Variants in SCML2 observed in about 807,000 individuals in gnomAD.
The protein encoded by SCML2 is Scm polycomb group protein like 2, also known as sex comb on midleg-like protein 2.
SCML2 carries 6 observed loss-of-function variants against 48.4 expected under a neutral mutation model. The ratio of observed to expected loss-of-function variants is 0.12; its 90% confidence interval spans 0.07 to 0.24. The LOEUF is 0.24. Ranked by LOEUF, SCML2 falls within the 10% of genes least tolerant of loss-of-function variation. The probability of loss-of-function intolerance (pLI) is 1.00; values close to 1 mark genes in which losing one functional copy is unlikely to be tolerated. For synonymous variants in SCML2, 181 were observed against 189.5 expected, an observed-to-expected ratio of 0.95 and a Z score of 0.37; for missense variants, 377 against 528.2, an observed-to-expected ratio of 0.71 and a Z score of 2.81.
intron 7 of SCML2, among the ~76,000 whole-genome samples, chrX:18,271,478 T>C (rs1927457109): frequency 9.1e-6 from 1 of 109,905 alleles, no homozygotes; most frequent in African/African-American, 3.3e-5. Flanking sequence ...GTGGACAACC[T>C]TGTGAACTCC....
chrX:18,304,994 T>C lies in SCML2; in HGVS notation c.708A>G (p.Val236=), dbSNP rs144766891. The change falls in exon 7 of 15, where the codon GTA becomes GTG. Residue 236 remains valine (V), a synonymous_variant. Coordinates refer to ENST00000251900, the MANE Select transcript of SCML2 (RefSeq NM_006089.3). ...TACCACTAGTTCCTGGGGGTTGTAA[T>C]ACATCTCCTGTCAGGCGACACCACC... ...PAGWCRLTGD[V]LQPPGTSVPI... is the part of the protein sequence containing the mutation. 136 of 1,208,304 alleles carry C rather than the reference T, an allele frequency of 1.1e-4. No individual in the cohort carries two copies. In the African/African-American group the frequency reaches 2.2e-3, roughly 19 times the overall value.
At chrX:18,300,203 C>T (rs1038432569) in intron 7 of SCML2, among the ~76,000 whole-genome samples, 2 of 109,385 alleles carry the variant, frequency 1.8e-5, no homozygotes, top group African/African-American at 6.7e-5. Context: ...AGGTCGAGAC[C>T]AGCCTGGGTA....
chrX:18,333,443 T>C (rs1373600567), intron 2 of SCML2, among the ~76,000 whole-genome samples: 1 of 112,046 alleles, frequency 8.9e-6, no homozygotes, highest in Non-Finnish European at 1.9e-5. Context: ...AATTTGTATT[T>C]ACTAAATAGT....
chrX:18,243,543 T>C (rs1325424788), intron 13 of SCML2, among the ~76,000 whole-genome samples: 1 of 112,258 alleles, frequency 8.9e-6, no homozygotes, highest in Non-Finnish European at 1.9e-5. Context: ...ATGGCTTAAA[T>C]GCTTATCTGA....
intron 7 of SCML2, among the ~76,000 whole-genome samples, chrX:18,268,061 C>T (rs1410663903): frequency 8.9e-6 from 1 of 112,409 alleles, no homozygotes; most frequent in Non-Finnish European, 1.9e-5. Flanking sequence ...TCCATGCTAA[C>T]CTCAACTGAG....
chrX:18,279,947 G>A (rs181035293), intron 7 of SCML2, among the ~76,000 whole-genome samples: 4 of 111,875 alleles, frequency 3.6e-5, no homozygotes, highest in East Asian at 2.8e-4. Context: ...TATATTTGAC[G>A]ATACAGTCCA....
chrX:18,253,088 G>A (rs994549218), intron 11 of SCML2, among the ~76,000 whole-genome samples: 1 of 111,922 alleles, frequency 8.9e-6, no homozygotes, highest in Non-Finnish European at 1.9e-5. Context: ...GAGCTGAGCA[G>A]CAAACCCCTG....
intron 1 of SCML2, among the ~76,000 whole-genome samples, chrX:18,351,282 AC>A (rs1395525507): frequency 5.2e-4 from 57 of 110,439 alleles, no homozygotes; most frequent in Non-Finnish European, 7.6e-4. Flanking sequence ...AAAAAAAAAA[AC>A]ATCACCAACA....
chrX:18,247,591 C>T (rs1226531284), intron 12 of SCML2, among the ~76,000 whole-genome samples, 178 bp downstream of exon 12: 2 of 111,219 alleles, frequency 1.8e-5, no homozygotes, highest in African/African-American at 6.5e-5. Flanking sequence ...GAAATGACAG[C>T]CGTCCACTTC....
intron 1 of SCML2, among the ~76,000 whole-genome samples, chrX:18,344,492 C>T (rs1185540939): frequency 8.9e-6 from 1 of 111,999 alleles, no homozygotes; most frequent in African/African-American, 3.2e-5. Context: ...ACCCAAATCT[C>T]ATCTTCAATT....
In SCML2 at chrX:18,310,411, G is replaced by A. The variant is rs368466157; in HGVS notation, c.487-5196C>T. The stretch of plus-strand genomic sequence containing the variant: ...CTCCCGAGTAGCTGGGATTACAGGC[G>A]CGTGCCACCACACGTGGCTAATTTT... On this transcript the variant is annotated intron_variant, in intron 6 of 14. Transcript: ENST00000251900. Among the ~76,000 whole-genome samples, 19 of 105,964 alleles carry A rather than the reference G, an allele frequency of 1.8e-4. No homozygotes were observed. The South Asian group carries it at 2.1e-3, about 12-fold the overall frequency. The allele number at this position is 105,964 out of a possible 115,157, so 92.0% of individuals were successfully genotyped here.
chrX:18,270,850 C>T (rs991569922), intron 7 of SCML2, among the ~76,000 whole-genome samples: 14 of 110,678 alleles, frequency 1.3e-4, no homozygotes, highest in African/African-American at 4.6e-4. Flanking sequence ...ATAGTGGTCA[C>T]AAAGTGAATA....
At chrX:18,303,653 TC>T (rs199607429) in intron 7 of SCML2, among the ~76,000 whole-genome samples, 17,663 of 111,569 alleles carry the variant, frequency 0.16, 1,243 homozygotes, top group Middle Eastern at 0.3. Context: ...AAGGTAAACT[TC>T]TTGAGGGTAG....
chrX:18,333,007 G>C (rs938467277), intron 2 of SCML2, among the ~76,000 whole-genome samples: 1 of 110,254 alleles, frequency 9.1e-6, no homozygotes, highest in Non-Finnish European at 1.9e-5. Flanking sequence ...CAGGCACGTT[G>C]GTTCATGCCT....
At chrX:18,325,987 T>G (rs1447410418) in intron 3 of SCML2, among the ~76,000 whole-genome samples, 2 of 112,363 alleles carry the variant, frequency 1.8e-5, no homozygotes, top group African/African-American at 6.5e-5. Context: ...CTGATAATGT[T>G]TAACAACCAG....
At chrX:18,270,025 T>TA (rs1378021317) in intron 7 of SCML2, among the ~76,000 whole-genome samples, 1 of 57,799 alleles carries the variant, frequency 1.7e-5, no homozygotes, top group Non-Finnish European at 2.9e-5. Context: ...CAAAGTACTA[T>TA]AAATTTTTTT....
At chrX:18,304,654 A>C (rs946209319) in intron 7 of SCML2, among the ~76,000 whole-genome samples, 9 of 112,404 alleles carry the variant, frequency 8.0e-5, no homozygotes, top group Non-Finnish European at 7.5e-5. Context: ...TTGAATATCA[A>C]CTATAAAAGG....
chrX:18,294,179 T>C (rs995720509), intron 7 of SCML2, among the ~76,000 whole-genome samples: 21 of 111,953 alleles, frequency 1.9e-4, no homozygotes, highest in African/African-American at 5.8e-4. Flanking sequence ...TCAAGATGGC[T>C]GACTGGAGGC....
chrX:18,270,543 C>T (rs754991168), intron 7 of SCML2, among the ~76,000 whole-genome samples: 1 of 110,661 alleles, frequency 9.0e-6, no homozygotes, highest in African/African-American at 3.3e-5. Flanking sequence ...CCTAAGGACT[C>T]GATTTTATTT....
Sources: gnomAD v4.1 joint callset for allele counts (sites outside exome capture counted in the v4.1 genomes callset) on GRCh38, gnomAD v4.1.1 for gene constraint, MANE v1.5 for transcripts, NCBI Gene and HGNC (gene_info 2026-07-23, HGNC 2026-07-21) for gene names.